The following RAD54L2 variants were observed in gnomAD, a reference collection of about 807,000 sequenced individuals.
The protein encoded by RAD54L2 is helicase ARIP4.
In RAD54L2, 27 loss-of-function variants were observed where a neutral mutation model predicts 138.4. The ratio of observed to expected loss-of-function variants is 0.20; its 90% CI spans 0.14 to 0.27. RAD54L2 has a LOEUF of 0.27. Among genes scored for constraint, RAD54L2 ranks in the 10% least tolerant of loss-of-function variants. The probability of loss-of-function intolerance (pLI) is 1.00; values close to 1 mark genes in which losing one functional copy is unlikely to be tolerated. For synonymous variants in RAD54L2, 644 were observed against 723.2 expected (o/e 0.89, Z 1.76); for missense variants, 1,396 against 1,890.2 (o/e 0.74, Z 4.85).
intron 2 of RAD54L2, among the ~76,000 whole-genome samples, chr3:51,588,655 A>G (rs963153071): frequency 9.2e-5 from 14 of 152,228 alleles, no homozygotes; most frequent in African/African-American, 3.4e-4. Flanking sequence ...AGCTAACCCA[A>G]CTAGCCATCT....
chr3:51,565,395 G>T (rs1427172813), intron 2 of RAD54L2, among the ~76,000 whole-genome samples: 1 of 152,144 alleles, frequency 6.6e-6, no homozygotes, highest in African/African-American at 2.4e-5. Context: ...GACAAAATGA[G>T]ACCTTGTCTT....
chr3:51,572,985 A>ATGTG (rs923493099), intron 2 of RAD54L2, among the ~76,000 whole-genome samples: 4 of 151,890 alleles, frequency 2.6e-5, no homozygotes, highest in African/African-American at 9.7e-5. Flanking sequence ...ATGCTAAGAT[A>ATGTG]TGTGTGTGTG....
intron 14 of RAD54L2, 112 bp downstream of exon 14, chr3:51,640,111 C>A: frequency 1.4e-6 from 1 of 705,690 alleles, no homozygotes. Flanking sequence ...ATTGTGAGGA[C>A]CTTCTTGCAT....
intron 2 of RAD54L2, among the ~76,000 whole-genome samples, chr3:51,577,573 C>T (rs945755403): frequency 1.7e-4 from 26 of 152,234 alleles, no homozygotes; most frequent in South Asian, 2.1e-4. Context: ...CTCTTCTTGT[C>T]GAATTGATCC....
At chr3:51,550,854 C>T (rs752146164) in intron 2 of RAD54L2, among the ~76,000 whole-genome samples, 11 of 152,046 alleles carry the variant, frequency 7.2e-5, no homozygotes, top group South Asian at 4.1e-4. Context: ...CAAGAACTGC[C>T]GGGCCAACAT....
At chr3:51,660,285 TTTTG>T (rs1701729299) in intron 22 of RAD54L2, among the ~76,000 whole-genome samples, 167 bp downstream of exon 22, 1 of 152,086 alleles carries the variant, frequency 6.6e-6, no homozygotes, top group African/African-American at 2.4e-5. Flanking sequence ...TGGTTTTTTT[TTTTG>T]TTTCTTTTTG....
chr3:51,566,652 G>A (rs1272091375), intron 2 of RAD54L2, among the ~76,000 whole-genome samples: 1 of 151,550 alleles, frequency 6.6e-6, no homozygotes, highest in Non-Finnish European at 1.5e-5. Flanking sequence ...AGTTATGTCT[G>A]TTGACCCTGT....
chr3:51,552,367 A>G (rs948575398), intron 2 of RAD54L2, among the ~76,000 whole-genome samples: 3 of 151,384 alleles, frequency 2.0e-5, no homozygotes, highest in Admixed American at 2.0e-4. Flanking sequence ...GGTTCATGCC[A>G]TTCTCCTGCT....
At chr3:51,651,816 C>T (rs1312978078) in intron 19 of RAD54L2, among the ~76,000 whole-genome samples, 1 of 152,110 alleles carries the variant, frequency 6.6e-6, no homozygotes, top group Non-Finnish European at 1.5e-5. Flanking sequence ...TGTGACAAAC[C>T]CACAGCCAAT....
At chr3:51,561,523 G>A (rs535713238) in intron 2 of RAD54L2, among the ~76,000 whole-genome samples, 2 of 151,904 alleles carry the variant, frequency 1.3e-5, no homozygotes, top group South Asian at 4.2e-4. Context: ...GGGATTATAG[G>A]CGTGAGCCAC....
chr3:51,608,634 G>A (rs1700258491), intron 3 of RAD54L2, among the ~76,000 whole-genome samples: 1 of 152,184 alleles, frequency 6.6e-6, no homozygotes, highest in African/African-American at 2.4e-5. Context: ...AGACCAGCCC[G>A]GCCAACACGG....
intron 3 of RAD54L2, among the ~76,000 whole-genome samples, chr3:51,618,784 G>C (rs1198573216): frequency 2.0e-5 from 3 of 152,078 alleles, no homozygotes; most frequent in African/African-American, 7.2e-5. Context: ...CCAGAGAGTG[G>C]AATATGGCAG....
intron 16 of RAD54L2, 125 bp from the exon 17 acceptor site, chr3:51,644,899 T>A: frequency 1.1e-6 from 1 of 924,028 alleles, no homozygotes; most frequent in East Asian, 2.6e-5. Flanking sequence ...AGCAAAATCC[T>A]TGAGTATGTT....
In RAD54L2 at chr3:51,662,184, G is replaced by A. The variant is rs144030110; in HGVS notation, c.3410-242G>A. Among the ~76,000 whole-genome samples the A allele has an allele frequency of 6.6e-6, 1 of 152,208 alleles. No individual in the cohort carries two copies. The highest frequency in any genetic ancestry group is 6.5e-5 in the Admixed American group (1 of 15,274). On this transcript the variant is annotated intron_variant, in intron 22 of 22. Transcript: ENST00000684192. The surrounding 1 kb of genome is among the most constrained non-coding windows in gnomAD (Gnocchi z 4.6). ...ATCTCGTAGGATTCATTTTGGTATA[G>A]TTTTACAGTTTGGGGAACTGGGGTG...
chr3:51,578,624 A>G (rs755369011), intron 2 of RAD54L2, among the ~76,000 whole-genome samples: 4 of 152,026 alleles, frequency 2.6e-5, no homozygotes, highest in African/African-American at 9.7e-5. Flanking sequence ...CTCACTCGCT[A>G]CTCTACTCAT....
chr3:51,659,659 T>TA (rs1701706650), intron 21 of RAD54L2, among the ~76,000 whole-genome samples: 1 of 152,330 alleles, frequency 6.6e-6, no homozygotes, highest in African/African-American at 2.4e-5. Flanking sequence ...GATTCCAACT[T>TA]ACTCTCTTTT....
At chr3:51,635,175 T>C (rs1204334126) in intron 9 of RAD54L2, among the ~76,000 whole-genome samples, 1 of 152,222 alleles carries the variant, frequency 6.6e-6, no homozygotes, top group Non-Finnish European at 1.5e-5. Context: ...TGTGGCTCTT[T>C]ATTCACTTGA....
At chr3:51,540,217 A>G (rs1698514140) in intron 1 of RAD54L2, among the ~76,000 whole-genome samples, 2 of 152,382 alleles carry the variant, frequency 1.3e-5, no homozygotes, top group South Asian at 4.1e-4. Context: ...AAAGAAGGAT[A>G]AGAAAACTCT....
At chr3:51,577,649 C>G (rs191936584) in intron 2 of RAD54L2, among the ~76,000 whole-genome samples, 1 of 152,206 alleles carries the variant, frequency 6.6e-6, no homozygotes, top group Non-Finnish European at 1.5e-5. Flanking sequence ...TCTGTTTTAT[C>G]AGAGACTAGG....
Sources: allele counts gnomAD v4.1 joint callset (sites outside exome capture counted in the v4.1 genomes callset), GRCh38; gene constraint gnomAD v4.1.1; non-coding constraint Gnocchi (gnomAD v3.1); transcripts MANE v1.5; gene names NCBI Gene and HGNC (gene_info 2026-07-23, HGNC 2026-07-21).